The following SLC30A8 variants were observed in gnomAD, a reference collection of about 807,000 sequenced individuals.
The protein encoded by SLC30A8 is proton-coupled zinc antiporter SLC30A8.
A neutral mutation model predicts 36.9 loss-of-function variants in SLC30A8; 27 were observed. That is an observed-to-expected ratio of 0.73 (90% CI 0.54 to 1.01). The LOEUF (loss-of-function observed/expected upper bound fraction) is 1.01, where lower values mean the gene tolerates loss of function less well. SLC30A8 is among the 50% of genes least tolerant of loss of function. The pLI is 0.00. For synonymous variants in SLC30A8, 164 were observed against 172.4 expected, an observed-to-expected ratio of 0.95 and a Z score of 0.38; for missense variants, 439 against 452.0, an observed-to-expected ratio of 0.97 and a Z score of 0.26.
At chr8:116,986,957 C>T (rs1815464794) in intron 1 of SLC30A8, among the ~76,000 whole-genome samples, 1 of 152,150 alleles carries the variant, frequency 6.6e-6, no homozygotes, top group South Asian at 2.1e-4. Context: ...TGATACATCA[C>T]ATAGTCCTTT....
chr8:117,169,142 T>G (rs1823229430), intron 6 of SLC30A8, among the ~76,000 whole-genome samples: 1 of 152,140 alleles, frequency 6.6e-6, no homozygotes, highest in Non-Finnish European at 1.5e-5. Flanking sequence ...GGAGCCTAGG[T>G]CTTTTGCCAC....
At chr8:117,104,043 G>A (rs552607962) in intron 2 of SLC30A8, among the ~76,000 whole-genome samples, 10 of 152,208 alleles carry the variant, frequency 6.6e-5, no homozygotes, top group South Asian at 4.1e-4. Context: ...TGGATACCCC[G>A]TCGCTATTCC....
intron 2 of SLC30A8, among the ~76,000 whole-genome samples, chr8:117,090,107 G>A (rs1394385369): frequency 1.3e-5 from 2 of 151,988 alleles, no homozygotes; most frequent in Non-Finnish European, 2.9e-5. Context: ...CAAGCTACAG[G>A]CATCTGCCAC....
At chr8:117,150,427 C>T (rs1822124801) in intron 2 of SLC30A8, among the ~76,000 whole-genome samples, 1 of 152,138 alleles carries the variant, frequency 6.6e-6, no homozygotes. Flanking sequence ...ATTGCTGTCA[C>T]CTTCACTCCA....
At chr8:117,136,017 T>C (rs1821344927) in intron 1 of SLC30A8, among the ~76,000 whole-genome samples, 1 of 151,930 alleles carries the variant, frequency 6.6e-6, no homozygotes, top group Non-Finnish European at 1.5e-5. Context: ...GAAAAAAATG[T>C]CTAGTTTCAG....
At chr8:117,153,184 A>G in intron 3 of SLC30A8, 94 bp downstream of exon 3, 1 of 1,312,356 alleles carries the variant, frequency 7.6e-7, no homozygotes, top group Non-Finnish European at 1.0e-6. Flanking sequence ...CCTTGTTGGA[A>G]AGTCCTTAGA....
At chr8:117,102,229 G>A (rs1236862097) in intron 2 of SLC30A8, among the ~76,000 whole-genome samples, 1 of 152,080 alleles carries the variant, frequency 6.6e-6, no homozygotes, top group East Asian at 1.9e-4. Flanking sequence ...TTTTCCATAA[G>A]TTTAGTATTA....
chr8:116,956,530 C>T (rs1340427828), intron 1 of SLC30A8, among the ~76,000 whole-genome samples: 1 of 152,022 alleles, frequency 6.6e-6, no homozygotes, highest in Non-Finnish European at 1.5e-5. Context: ...TAGTAAAAAT[C>T]ATGCTTACAA....
chr8:117,166,560 G>T (rs958643711), intron 6 of SLC30A8, among the ~76,000 whole-genome samples: 1 of 152,104 alleles, frequency 6.6e-6, no homozygotes, highest in Non-Finnish European at 1.5e-5. Context: ...TGGGGAGTAG[G>T]AGGAGCAAGA....
At chr8:117,154,082 A>T (rs1822344072) in intron 3 of SLC30A8, among the ~76,000 whole-genome samples, 1 of 152,110 alleles carries the variant, frequency 6.6e-6, no homozygotes, top group African/African-American at 2.4e-5. Flanking sequence ...ATGCTTTTTT[A>T]AATTTTAATT....
intron 1 of SLC30A8, among the ~76,000 whole-genome samples, chr8:116,970,278 A>G (rs1219839833): frequency 2.0e-5 from 3 of 152,194 alleles, no homozygotes; most frequent in Non-Finnish European, 4.4e-5. Context: ...TTTAGGGGCA[A>G]TAACACACAT....
upstream of SLC30A8, among the ~76,000 whole-genome samples, chr8:117,134,179 C>T (rs377157912): frequency 4.0e-5 from 6 of 151,844 alleles, no homozygotes; most frequent in African/African-American, 4.8e-5. Flanking sequence ...GGCAACTTCC[C>T]GTGACTCTGG....
chr8:117,145,956 A>G (rs1821876325), intron 1 of SLC30A8, among the ~76,000 whole-genome samples: 1 of 152,174 alleles, frequency 6.6e-6, no homozygotes, highest in Admixed American at 6.5e-5. Flanking sequence ...TGGTTACAAG[A>G]GACTGAGAAA....
intron 1 of SLC30A8, among the ~76,000 whole-genome samples, chr8:117,031,734 G>A (rs1409931141): frequency 6.6e-6 from 1 of 152,132 alleles, no homozygotes; most frequent in Non-Finnish European, 1.5e-5. Flanking sequence ...AAAATACTGA[G>A]ATTACAGGCG....
intron 1 of SLC30A8, among the ~76,000 whole-genome samples, chr8:116,990,905 G>A (rs548403428): frequency 8.9e-4 from 135 of 152,256 alleles, no homozygotes; most frequent in Non-Finnish European, 1.6e-3. Flanking sequence ...TGTTAAAAGA[G>A]AGTTATGTAT....
At chr8:117,077,037 C>G (rs1251749451) in intron 2 of SLC30A8, among the ~76,000 whole-genome samples, 3 of 152,176 alleles carry the variant, frequency 2.0e-5, no homozygotes, top group Non-Finnish European at 4.4e-5. Context: ...TGAAGACCTA[C>G]TGGAATGTTT....
At chr8:116,995,176 C>G (rs1815774251) in intron 1 of SLC30A8, among the ~76,000 whole-genome samples, 1 of 151,994 alleles carries the variant, frequency 6.6e-6, no homozygotes, top group African/African-American at 2.4e-5. Context: ...TCTGCTGTAC[C>G]CTGAGATGGC....
intron 2 of SLC30A8, among the ~76,000 whole-genome samples, chr8:117,107,489 C>T (rs1008408605): frequency 6.6e-6 from 1 of 152,158 alleles, no homozygotes; most frequent in Non-Finnish European, 1.5e-5. Context: ...TTCTGTCACA[C>T]TGGTCAATTA....
At chr8:117,001,358 G>A (rs978977689) in intron 1 of SLC30A8, among the ~76,000 whole-genome samples, 2 of 152,144 alleles carry the variant, frequency 1.3e-5, no homozygotes, top group African/African-American at 4.8e-5. Context: ...GAAATGGAAA[G>A]AAACTAGGTC....
Sources: allele counts gnomAD v4.1 joint callset (sites outside exome capture counted in the v4.1 genomes callset), GRCh38; gene constraint gnomAD v4.1.1; transcripts MANE v1.5; gene names NCBI Gene and HGNC (gene_info 2026-07-23, HGNC 2026-07-21).